The following RABGAP1L variants were observed in gnomAD, a reference collection of about 807,000 sequenced individuals.
RABGAP1L encodes RAB GTPase activating protein 1 like, also known as rab GTPase-activating protein 1-like.
Under a neutral mutation model 137.7 loss-of-function variants are expected in RABGAP1L, and 63 were observed. The ratio of observed to expected loss-of-function variants is 0.46; its 90% CI spans 0.37 to 0.56. RABGAP1L has a LOEUF of 0.56. Ranked by LOEUF, RABGAP1L falls within the 20% of genes least tolerant of loss-of-function variation. The pLI, the probability that RABGAP1L is intolerant of heterozygous loss-of-function variation, is 0.00. For missense variants in RABGAP1L, 1,095 were observed against 1,244.0 expected (o/e 0.88, Z 1.80); for synonymous variants, 431 against 433.7 (o/e 0.99, Z 0.08).
chr1:174,865,687 C>T lies in RABGAP1L; in HGVS notation c.2340+53727C>T, dbSNP rs1483659597. On this transcript the variant is annotated intron_variant, in intron 19 of 25. Coordinates refer to ENST00000681986, the MANE Select transcript of RABGAP1L (RefSeq NM_001366446.1). ...ACAGTAACTTGTGCCTGTGGTCCCA[C>T]CCACTCGGGAGCTGCGGTGAGAAGA... Among the ~76,000 whole-genome samples the T allele has an allele frequency of 7.2e-5, 11 of 152,224 alleles. No individual in the cohort carries two copies. The South Asian group carries it at 1.9e-3, about 26-fold the overall frequency.
At chr1:174,878,885 A>G (rs982727680) in intron 19 of RABGAP1L, among the ~76,000 whole-genome samples, 14 of 151,362 alleles carry the variant, frequency 9.2e-5, no homozygotes, top group Non-Finnish European at 1.6e-4. Flanking sequence ...TTAGGTATTT[A>G]ATAATGATAT....
At chr1:174,635,721 A>G (rs116215168) in intron 13 of RABGAP1L, among the ~76,000 whole-genome samples, 1,678 of 152,238 alleles carry the variant, frequency 0.011, 32 homozygotes, top group African/African-American at 0.037. Flanking sequence ...AATATGTTCA[A>G]TGTTTGCTAG....
chr1:174,573,276 T>C (rs1187566288), intron 13 of RABGAP1L, among the ~76,000 whole-genome samples: 5 of 146,002 alleles, frequency 3.4e-5, no homozygotes, highest in African/African-American at 1.3e-4. Flanking sequence ...ATACACACTA[T>C]ATATGTTTAT....
chr1:174,892,732 C>CTTT (rs57239363), intron 19 of RABGAP1L: 42 of 387,822 alleles, frequency 1.1e-4, no homozygotes, highest in South Asian at 2.6e-4. Context: ...TGTTTTCTTT[C>CTTT]TTTTTTTTTT....
intron 19 of RABGAP1L, among the ~76,000 whole-genome samples, chr1:174,951,300 C>T (rs1056132493): frequency 6.6e-6 from 1 of 152,206 alleles, no homozygotes; most frequent in Non-Finnish European, 1.5e-5. Context: ...AGAGGGCAGG[C>T]TCTGGAGGCC....
chr1:174,456,533 G>A (rs1245001369), intron 13 of RABGAP1L, among the ~76,000 whole-genome samples: 3 of 152,084 alleles, frequency 2.0e-5, no homozygotes, highest in East Asian at 1.9e-4. Context: ...TGATGTTTCA[G>A]GCTATAGTGC....
chr1:174,544,235 T>G (rs1288028052), intron 13 of RABGAP1L, among the ~76,000 whole-genome samples: 7 of 152,208 alleles, frequency 4.6e-5, no homozygotes, highest in Non-Finnish European at 1.0e-4. Flanking sequence ...GGTACACCAG[T>G]CAGGTGTAGA....
At chr1:174,850,884 G>A (rs1648197121) in intron 19 of RABGAP1L, among the ~76,000 whole-genome samples, 1 of 152,248 alleles carries the variant, frequency 6.6e-6, no homozygotes, top group Admixed American at 6.5e-5. Flanking sequence ...TGCAATAGCT[G>A]CTTTGAAAGT....
At chr1:174,892,766 G>C (rs1180052341) in intron 19 of RABGAP1L, 13 of 369,782 alleles carry the variant, frequency 3.5e-5, no homozygotes, top group African/African-American at 6.1e-5. Flanking sequence ...TTTTGCTCTT[G>C]TCGCCCAGGC....
chr1:174,519,030 A>G (rs1282949063), intron 13 of RABGAP1L, among the ~76,000 whole-genome samples: 3 of 151,948 alleles, frequency 2.0e-5, no homozygotes, highest in Non-Finnish European at 4.4e-5. Flanking sequence ...TTATGGAAGT[A>G]TTATGGAAAG....
intron 13 of RABGAP1L, among the ~76,000 whole-genome samples, chr1:174,434,543 CTGTT>C (rs1380564769): frequency 1.3e-5 from 2 of 152,090 alleles, no homozygotes; most frequent in East Asian, 1.9e-4. Flanking sequence ...AAATTCCAAA[CTGTT>C]TGTCAAAGTT....
intron 1 of RABGAP1L, among the ~76,000 whole-genome samples, chr1:174,187,304 G>A (rs1450079247): frequency 2.6e-5 from 4 of 151,774 alleles, no homozygotes; most frequent in Admixed American, 2.6e-4. Flanking sequence ...AGTGAACAGG[G>A]TAATTTTCTT....
intron 10 of RABGAP1L, among the ~76,000 whole-genome samples, chr1:174,303,986 C>T (rs556293091): frequency 6.2e-4 from 94 of 152,234 alleles, no homozygotes; most frequent in African/African-American, 2.2e-3. Flanking sequence ...TTTCTTCCTT[C>T]TTTCTCCATC....
chr1:174,775,615 G>A (rs1686468889), intron 18 of RABGAP1L, among the ~76,000 whole-genome samples: 2 of 152,066 alleles, frequency 1.3e-5, no homozygotes, highest in South Asian at 2.1e-4. Context: ...GCCTGGCCGG[G>A]AGAAAACTTT....
chr1:174,683,121 G>A (rs16847337), intron 14 of RABGAP1L, among the ~76,000 whole-genome samples: 31,019 of 140,106 alleles, frequency 0.22, 3,602 homozygotes, highest in Admixed American at 0.27. Context: ...TTCTGTCTCA[G>A]CAATATCAAG....
intron 1 of RABGAP1L, among the ~76,000 whole-genome samples, chr1:174,162,753 CT>C (rs971302832): frequency 0.044 from 1,629 of 37,184 alleles, 8 homozygotes; most frequent in African/African-American, 0.053. Context: ...GCTGGTATTT[CT>C]TTTTTTTTTT....
chr1:174,550,344 G>T (rs1331015821), intron 13 of RABGAP1L, among the ~76,000 whole-genome samples: 2 of 152,100 alleles, frequency 1.3e-5, no homozygotes, highest in African/African-American at 4.8e-5. Flanking sequence ...AATCACTTTT[G>T]ATCAGTACAC....
intron 10 of RABGAP1L, among the ~76,000 whole-genome samples, chr1:174,300,138 C>T (rs967289975): frequency 6.6e-6 from 1 of 152,148 alleles, no homozygotes; most frequent in African/African-American, 2.4e-5. Flanking sequence ...GAAGACAGAA[C>T]ATCATTTTGG....
At chr1:174,596,451 T>A (rs1669928436) in intron 13 of RABGAP1L, among the ~76,000 whole-genome samples, 1 of 152,214 alleles carries the variant, frequency 6.6e-6, no homozygotes, top group Admixed American at 6.5e-5. Flanking sequence ...GTTAAGTTAT[T>A]CCTAGATAAT....
Sources: gnomAD v4.1 joint callset for allele counts (sites outside exome capture counted in the v4.1 genomes callset) on GRCh38, gnomAD v4.1.1 for gene constraint, MANE v1.5 for transcripts, NCBI Gene and HGNC (gene_info 2026-07-23, HGNC 2026-07-21) for gene names.